ATRNL1: variants seen among roughly 807,000 people sequenced by gnomAD.
The protein encoded by ATRNL1 is attractin like 1.
A neutral mutation model predicts 182.7 loss-of-function variants in ATRNL1; 95 were observed. That is an observed-to-expected ratio of 0.52 (90% CI 0.44 to 0.62). The LOEUF (loss-of-function observed/expected upper bound fraction) is 0.62, where lower values mean the gene tolerates loss of function less well. Among genes scored for constraint, ATRNL1 ranks in the 20% least tolerant of loss-of-function variants. The pLI is 0.00. For synonymous variants in ATRNL1, 576 were observed against 568.3 expected (o/e 1.01, Z -0.19); for missense variants, 1,471 against 1,679.5 (o/e 0.88, Z 2.17).
chr10:115,362,395 T>C (rs1301641459), intron 19 of ATRNL1, among the ~76,000 whole-genome samples: 2 of 152,078 alleles, frequency 1.3e-5, no homozygotes, highest in African/African-American at 4.8e-5. Flanking sequence ...TCATGTTTGG[T>C]TTATGAGGAT....
chr10:115,299,221 G>A (rs1417323719), intron 15 of ATRNL1, among the ~76,000 whole-genome samples: 1 of 151,676 alleles, frequency 6.6e-6, no homozygotes, highest in African/African-American at 2.4e-5. Context: ...AAATTGTAAA[G>A]ATTAGTAACT....
chr10:115,775,959 C>CAA lies in ATRNL1; in HGVS notation c.3903+48621_3903+48622dup, dbSNP rs398014865. ...GGCAATGAGAGTGAAACTCCATTCT[C>CAA]AAAAAAAAAAAAAAAAAAGGAGAAA... On this transcript the variant is annotated intron_variant, in intron 27 of 28. Transcript: ENST00000355044. 2.8e-3 allele frequency among the ~76,000 whole-genome samples: 319 copies of CAA among 112,806 alleles called. 22 individuals are homozygous for CAA. The highest frequency in any genetic ancestry group is 0.019 in the Middle Eastern group (4 of 210). The allele number at this position is 112,806 out of a possible 152,430, so 74.0% of individuals were successfully genotyped here. A position where few individuals can be genotyped will look rare whatever the true frequency, so the allele number is the denominator to read the frequency against.
chr10:115,470,583 C>G (rs1473671936), intron 24 of ATRNL1, among the ~76,000 whole-genome samples: 4 of 150,188 alleles, frequency 2.7e-5, no homozygotes, highest in Admixed American at 6.7e-5. Context: ...TTTTAAATTG[C>G]TTCCTATCCT....
At chr10:115,613,480 A>T (rs1382469656) in intron 26 of ATRNL1, among the ~76,000 whole-genome samples, 1 of 152,086 alleles carries the variant, frequency 6.6e-6, no homozygotes, top group Non-Finnish European at 1.5e-5. Flanking sequence ...TTTTGCCTAT[A>T]GTTTTCTTAT....
intron 10 of ATRNL1, among the ~76,000 whole-genome samples, chr10:115,243,256 A>T (rs1382365646): frequency 3.3e-5 from 5 of 151,974 alleles, no homozygotes; most frequent in African/African-American, 1.2e-4. Context: ...ATGGGAATGT[A>T]TTTTTATTTT....
intron 20 of ATRNL1, among the ~76,000 whole-genome samples, chr10:115,417,261 T>A (rs1289704840): frequency 6.6e-6 from 1 of 152,196 alleles, no homozygotes; most frequent in Admixed American, 6.5e-5. Flanking sequence ...TGCCCACTGA[T>A]ATCAGTCTCT....
At chr10:115,655,973 C>T (rs1860305488) in intron 26 of ATRNL1, among the ~76,000 whole-genome samples, 1 of 152,134 alleles carries the variant, frequency 6.6e-6, no homozygotes, top group African/African-American at 2.4e-5. Flanking sequence ...CCCCTAAATA[C>T]TCTTTATTTG....
intron 8 of ATRNL1, among the ~76,000 whole-genome samples, chr10:115,189,119 CTGGAGA>C (rs1848069480): frequency 6.6e-6 from 1 of 152,010 alleles, no homozygotes; most frequent in Non-Finnish European, 1.5e-5. Context: ...ATTCCTATCC[CTGGAGA>C]TGATGTAGCT....
chr10:115,911,804 A>T (rs1265662077), intron 28 of ATRNL1, among the ~76,000 whole-genome samples: 1 of 152,098 alleles, frequency 6.6e-6, no homozygotes. Flanking sequence ...CACAAGGGAG[A>T]TGCTGATAAA....
intron 20 of ATRNL1, among the ~76,000 whole-genome samples, chr10:115,398,090 A>T (rs1402295688): frequency 6.6e-6 from 1 of 151,920 alleles, no homozygotes; most frequent in Non-Finnish European, 1.5e-5. Context: ...TATGGAGAGC[A>T]TACTCTTTGT....
intron 24 of ATRNL1, among the ~76,000 whole-genome samples, chr10:115,471,616 T>C (rs1848317086): frequency 6.6e-6 from 1 of 151,352 alleles, no homozygotes; most frequent in African/African-American, 2.4e-5. Context: ...CACCATTTCA[T>C]ATACCTATTG....
chr10:115,359,349 T>C (rs1286524971), intron 19 of ATRNL1, among the ~76,000 whole-genome samples: 1 of 151,818 alleles, frequency 6.6e-6, no homozygotes, highest in East Asian at 1.9e-4. Flanking sequence ...TTGTTTCATC[T>C]GTTTTAATCA....
intron 25 of ATRNL1, among the ~76,000 whole-genome samples, chr10:115,548,220 C>T (rs1309314914): frequency 2.6e-5 from 4 of 152,180 alleles, no homozygotes; most frequent in Admixed American, 1.3e-4. Context: ...TAAATCCAAT[C>T]ATCGATGTGA....
At chr10:115,359,114 C>T (rs1410013147) in intron 19 of ATRNL1, among the ~76,000 whole-genome samples, 1 of 151,690 alleles carries the variant, frequency 6.6e-6, no homozygotes, top group Non-Finnish European at 1.5e-5. Flanking sequence ...AATATCCCCA[C>T]TAACTTCAGG....
intron 24 of ATRNL1, among the ~76,000 whole-genome samples, chr10:115,479,975 A>T (rs1343305622): frequency 6.6e-6 from 1 of 151,340 alleles, no homozygotes; most frequent in East Asian, 1.9e-4. Flanking sequence ...ATTCACTATT[A>T]TATCAATCTG....
intron 28 of ATRNL1, among the ~76,000 whole-genome samples, chr10:115,918,178 G>C (rs914232995): frequency 7.3e-6 from 1 of 136,400 alleles, no homozygotes; most frequent in Non-Finnish European, 1.5e-5. Flanking sequence ...TCAGCTCACC[G>C]CAACCTCCGC....
chr10:115,129,591 T>A, intron 5 of ATRNL1, 56 bp downstream of exon 5: 2 of 1,418,290 alleles, frequency 1.4e-6, no homozygotes, highest in South Asian at 1.2e-5. Context: ...TGTAATAGAT[T>A]AATACAAATT....
At chr10:115,583,227 G>A (rs1361512045) in intron 26 of ATRNL1, among the ~76,000 whole-genome samples, 5 of 142,252 alleles carry the variant, frequency 3.5e-5, no homozygotes, top group South Asian at 2.5e-4. Flanking sequence ...TTGGCGATGC[G>A]GGCTCTTTTT....
At chr10:115,243,931 G>GT (rs1210693309) in intron 10 of ATRNL1, among the ~76,000 whole-genome samples, 1 of 151,926 alleles carries the variant, frequency 6.6e-6, no homozygotes, top group Non-Finnish European at 1.5e-5. Context: ...AAAATAATCT[G>GT]TTTTATCCTC....
Sources: allele counts gnomAD v4.1 joint callset (sites outside exome capture counted in the v4.1 genomes callset), GRCh38; gene constraint gnomAD v4.1.1; transcripts MANE v1.5; gene names NCBI Gene and HGNC (gene_info 2026-07-23, HGNC 2026-07-21).